The following GNA14 variants were observed in gnomAD, a reference collection of about 807,000 sequenced individuals.
GNA14 encodes the protein guanine nucleotide-binding protein subunit alpha-14.
GNA14 carries 50 observed loss-of-function variants against 42.0 expected under a neutral mutation model. The ratio of observed to expected loss-of-function variants is 1.19; its 90% CI spans 0.95 to 1.51. GNA14 has a LOEUF of 1.51. Among genes scored for constraint, GNA14 ranks in the 40% most tolerant of loss-of-function variants. GNA14 has a pLI of 0.00. For synonymous variants in GNA14, 173 were observed against 163.1 expected, an observed-to-expected ratio of 1.06 and a Z score of -0.46; for missense variants, 473 against 446.2, an observed-to-expected ratio of 1.06 and a Z score of -0.54.
intron 6 of GNA14, among the ~76,000 whole-genome samples, chr9:77,425,322 T>A (rs1450561145): frequency 1.3e-5 from 2 of 151,934 alleles, no homozygotes; most frequent in East Asian, 3.9e-4. Flanking sequence ...GAGAACAACA[T>A]GGAGGCAGCG....
intron 2 of GNA14, among the ~76,000 whole-genome samples, chr9:77,449,528 T>G (rs1835872154): frequency 6.6e-6 from 1 of 152,196 alleles, no homozygotes; most frequent in Non-Finnish European, 1.5e-5. Flanking sequence ...GCCATGTCAA[T>G]CAACCAGTGG....
intron 2 of GNA14, among the ~76,000 whole-genome samples, chr9:77,486,357 A>G (rs1359115081): frequency 1.3e-5 from 2 of 152,184 alleles, no homozygotes; most frequent in South Asian, 2.1e-4. Flanking sequence ...TCTGGATTCA[A>G]TTTTGGCCAA....
intron 1 of GNA14, among the ~76,000 whole-genome samples, chr9:77,622,809 G>A (rs1474356861): frequency 6.6e-6 from 1 of 150,532 alleles, no homozygotes; most frequent in East Asian, 1.9e-4. Flanking sequence ...CAGGAGAATG[G>A]TGTGAACCCA....
At chr9:77,589,866 A>G (rs945191263) in intron 1 of GNA14, among the ~76,000 whole-genome samples, 2 of 152,228 alleles carry the variant, frequency 1.3e-5, no homozygotes, top group Non-Finnish European at 2.9e-5. Flanking sequence ...AAATATGAGT[A>G]AAATCAATGC....
intron 1 of GNA14, among the ~76,000 whole-genome samples, chr9:77,608,530 A>G (rs972860652): frequency 6.6e-6 from 1 of 152,168 alleles, no homozygotes; most frequent in Non-Finnish European, 1.5e-5. Context: ...CATCCTGGCC[A>G]GCAAAAACTA....
chr9:77,474,826 G>T (rs1338798870), intron 2 of GNA14, among the ~76,000 whole-genome samples: 1 of 152,070 alleles, frequency 6.6e-6, no homozygotes, highest in Non-Finnish European at 1.5e-5. Context: ...AAAAGTAAAT[G>T]AATTACTGAT....
At chr9:77,642,909 G>A (rs2118039013) in intron 1 of GNA14, among the ~76,000 whole-genome samples, 1 of 152,296 alleles carries the variant, frequency 6.6e-6, no homozygotes, top group African/African-American at 2.4e-5. Context: ...GAGAGTTTGT[G>A]CATGTCTCAC....
At chr9:77,613,017 T>C (rs1054702876) in intron 1 of GNA14, among the ~76,000 whole-genome samples, 2 of 152,152 alleles carry the variant, frequency 1.3e-5, no homozygotes, top group African/African-American at 4.8e-5. Context: ...TAAACACACA[T>C]GGAATATTAT....
chr9:77,599,735 C>A (rs17724351), intron 1 of GNA14, among the ~76,000 whole-genome samples: 2,857 of 152,294 alleles, frequency 0.019, 49 homozygotes, highest in South Asian at 0.038. Context: ...GCCGTCGGGC[C>A]TCCTTCAATC....
At chr9:77,517,525 G>A (rs1290738977) in intron 2 of GNA14, 6 of 147,514 alleles carry the variant, frequency 4.1e-5, no homozygotes, top group African/African-American at 1.5e-4. Flanking sequence ...GAGGACACAG[G>A]TTCTTCACTG....
intron 5 of GNA14, among the ~76,000 whole-genome samples, chr9:77,428,697 T>C (rs1835493902): frequency 6.6e-6 from 1 of 152,212 alleles, no homozygotes; most frequent in South Asian, 2.1e-4. Flanking sequence ...ATGCAGATGC[T>C]GATGTAGTTG....
chr9:77,520,543 G>A (rs1302781425), intron 2 of GNA14, among the ~76,000 whole-genome samples: 1 of 152,016 alleles, frequency 6.6e-6, no homozygotes, highest in Non-Finnish European at 1.5e-5. Context: ...TTTTAGGATA[G>A]CAATATAAAG....
chr9:77,431,294 C>T (rs1256275278), intron 4 of GNA14, 27 bp downstream of exon 4: 11 of 1,607,064 alleles, frequency 6.8e-6, no homozygotes, highest in Non-Finnish European at 9.4e-6. Context: ...GCAGATTCTT[C>T]ATGGTACATC....
intron 1 of GNA14, among the ~76,000 whole-genome samples, chr9:77,552,312 G>T (rs967325996): frequency 1.3e-5 from 2 of 152,052 alleles, no homozygotes; most frequent in African/African-American, 4.8e-5. Flanking sequence ...TTGAGAGGCT[G>T]AGAGATGAAC....
At chr9:77,478,951 A>C (rs1426099353) in intron 2 of GNA14, among the ~76,000 whole-genome samples, 3 of 151,952 alleles carry the variant, frequency 2.0e-5, no homozygotes, top group African/African-American at 4.8e-5. Context: ...GAGTAGGTTG[A>C]GAAAATTTTC....
chr9:77,449,342 T>C (rs1267207451), intron 2 of GNA14, among the ~76,000 whole-genome samples: 2 of 152,254 alleles, frequency 1.3e-5, no homozygotes, highest in African/African-American at 4.8e-5. Context: ...TGACTGTATG[T>C]AGTAACATTA....
chr9:77,555,629 T>C (rs1398765961), intron 1 of GNA14, among the ~76,000 whole-genome samples: 1 of 152,184 alleles, frequency 6.6e-6, no homozygotes, highest in Non-Finnish European at 1.5e-5. Flanking sequence ...TTGTGTTCTT[T>C]CAACTTTCCT....
Position 77,542,332 on chromosome 9 carries a change from G to A in GNA14, c.125-13079C>T, listed in dbSNP as rs1015151981. Among the ~76,000 whole-genome samples the A allele has an allele frequency of 8.2e-4, 125 of 152,300 alleles. 1 individual carries two copies. Among genetic ancestry groups the A allele is most frequent in the Non-Finnish European group, 4.0e-4 (27 of 68,030 alleles). ...GTCAATGGTGTCTGTGATTTCCTCAGTGGCTTAGGGTGCAGTTATTAGTAA... is the reference window on the plus strand; with the variant it reads ...GTCAATGGTGTCTGTGATTTCCTCAATGGCTTAGGGTGCAGTTATTAGTAA... On this transcript the variant is annotated intron_variant, in intron 1 of 6. Coordinates refer to ENST00000341700, the MANE Select transcript of GNA14 (RefSeq NM_004297.4).
At chr9:77,501,713 CTTT>C (rs71358606) in intron 2 of GNA14, among the ~76,000 whole-genome samples, 2 of 130,400 alleles carry the variant, frequency 1.5e-5, no homozygotes, top group Non-Finnish European at 1.6e-5. Context: ...TGGATAATTT[CTTT>C]TTTTTTTTTT....
Sources: allele counts gnomAD v4.1 joint callset (sites outside exome capture counted in the v4.1 genomes callset), GRCh38; gene constraint gnomAD v4.1.1; transcripts MANE v1.5; gene names NCBI Gene and HGNC (gene_info 2026-07-23, HGNC 2026-07-21).